Variants in LHCGR observed in about 807,000 individuals in gnomAD.
The protein encoded by LHCGR is luteinizing hormone/choriogonadotropin receptor, also known as lutropin-choriogonadotropic hormone receptor.
LHCGR carries 55 observed loss-of-function variants against 60.7 expected under a neutral mutation model. The ratio of observed to expected loss-of-function variants is 0.91; its 90% CI spans 0.73 to 1.13. LHCGR has a LOEUF of 1.13. Among genes scored for constraint, LHCGR ranks in the 50% most tolerant of loss-of-function variants. The pLI, the probability that LHCGR is intolerant of heterozygous loss-of-function variation, is 0.00. For synonymous variants in LHCGR, 337 were observed against 316.5 expected (o/e 1.06, Z -0.69); for missense variants, 862 against 836.0 (o/e 1.03, Z -0.38).
Position 48,687,867 on chromosome 2 carries a change from A to G in LHCGR, c.1930T>C (p.Cys644Arg), listed in dbSNP as rs756845432. 4.3e-6 allele frequency: 7 copies of G among 1,614,204 alleles called. No individual in the cohort carries two copies. Among genetic ancestry groups the G allele is most frequent in the Non-Finnish European group, 5.9e-6 (7 of 1,180,040 alleles). The change falls in exon 11 of 11, where the codon TGT becomes CGT. Residue 644 changes from cysteine (C) to arginine (R), a missense_variant. By Grantham distance (180) the Cys-to-Arg change is radical. Coordinates refer to ENST00000294954, the MANE Select transcript of LHCGR (RefSeq NM_000233.4). ...CTATAAAGTTCAGCCCGACGTTTAC[A>G]GCAGCCAAATTTGCTCAGCAAAAGA... ...FFLLLSKFGC[C>R]KRRAELYRRK...
At chr2:48,739,271 A>G (rs977441112) in intron 1 of LHCGR, among the ~76,000 whole-genome samples, 2 of 152,244 alleles carry the variant, frequency 1.3e-5, no homozygotes, top group Non-Finnish European at 2.9e-5. Flanking sequence ...TCAGGGATCT[A>G]GAACTAGAAA....
chr2:48,734,021 G>C (rs562910519), intron 1 of LHCGR, among the ~76,000 whole-genome samples: 1 of 152,148 alleles, frequency 6.6e-6, no homozygotes, highest in African/African-American at 2.4e-5. Context: ...TATACATTGA[G>C]AAAAATTCTC....
At chr2:48,716,087 T>G (rs748171725) in intron 6 of LHCGR, among the ~76,000 whole-genome samples, 1 of 151,810 alleles carries the variant, frequency 6.6e-6, no homozygotes, top group African/African-American at 2.4e-5. Flanking sequence ...GGATGCCACT[T>G]TCAATAGTTT....
At chr2:48,710,611 C>A (rs1188247051) in intron 7 of LHCGR, among the ~76,000 whole-genome samples, 2 of 152,164 alleles carry the variant, frequency 1.3e-5, no homozygotes, top group South Asian at 2.1e-4. Flanking sequence ...GGCAGGATGA[C>A]CTTTTGAAGC....
intron 8 of LHCGR, among the ~76,000 whole-genome samples, chr2:48,701,285 C>T (rs1202635524): frequency 6.6e-6 from 1 of 152,018 alleles, no homozygotes; most frequent in Admixed American, 6.6e-5. Context: ...CCAAAGCCTC[C>T]CCATCTCATT....
chr2:48,708,783 C>CT lies in LHCGR; in HGVS notation c.680+164dup. The CT allele has an allele frequency of 4.2e-6, 3 of 716,610 alleles. No individual in the cohort carries two copies. In the East Asian group the frequency reaches 7.4e-5, roughly 18 times the overall value. The allele number at this position is 716,610 out of a possible 1,614,324, so 44.4% of individuals were successfully genotyped here. A position where few individuals can be genotyped will look rare whatever the true frequency, so the allele number is the denominator to read the frequency against. On this transcript the variant is annotated intron_variant, in intron 8 of 10. Transcript: ENST00000294954. ...TGTCTAAGCCTCTCGGTTTGGGGTA[C>CT]TTTATTATGGCAGCTGTGATACACT...
In LHCGR at chr2:48,727,689, A is replaced by G. The variant is rs1347259200; in HGVS notation, c.308+1464T>C. Among the ~76,000 whole-genome samples the G allele has an allele frequency of 3.9e-5, 6 of 152,276 alleles. No homozygotes were observed. The South Asian group carries it at 8.3e-4, about 21-fold the overall frequency. On this transcript the variant is annotated intron_variant, in intron 3 of 10. Coordinates refer to ENST00000294954, the MANE Select transcript of LHCGR (RefSeq NM_000233.4). ...GATTCTGCTTCTCAGCTAAGTCCAG[A>G]CTATGTCTTTTGCACTTACTCATTA...
At chr2:48,691,771 G>C (rs1217534520) in intron 10 of LHCGR, among the ~76,000 whole-genome samples, 1 of 151,278 alleles carries the variant, frequency 6.6e-6, no homozygotes, top group African/African-American at 2.4e-5. Context: ...GCTTGAACTC[G>C]GGAGGTGGAG....
chr2:48,754,328 A>C (rs555446985), intron 1 of LHCGR, among the ~76,000 whole-genome samples: 1 of 152,280 alleles, frequency 6.6e-6, no homozygotes, highest in East Asian at 1.9e-4. Flanking sequence ...GGGGGCTCAA[A>C]GGAAATGGCA....
chr2:48,700,054 T>G (rs1019153863), intron 8 of LHCGR, among the ~76,000 whole-genome samples: 1 of 152,212 alleles, frequency 6.6e-6, no homozygotes, highest in Non-Finnish European at 1.5e-5. Context: ...GATGATGGTG[T>G]AGGCCCTCAG....
In LHCGR at chr2:48,688,942, G is replaced by T; in HGVS notation, c.948-93C>A. 8.4e-7 allele frequency: 1 copy of T among 1,184,004 alleles called. No individual in the cohort carries two copies. Among genetic ancestry groups the T allele is most frequent in the Admixed American group, 1.9e-5 (1 of 53,854 alleles). 73.3% of individuals were successfully genotyped at this position (1,184,004 alleles called of 1,614,324 possible). ...TTTCTTTAAAGGCAAAGAAACAAAAGGAAACAAAGCCATAATAGCCTCAGC... is the reference window on the plus strand; with the variant it reads ...TTTCTTTAAAGGCAAAGAAACAAAATGAAACAAAGCCATAATAGCCTCAGC... On this transcript the variant is annotated intron_variant, in intron 10 of 10. Transcript: ENST00000294954. The surrounding 1 kb of genome is among the most constrained non-coding windows in gnomAD (Gnocchi z 5.2).
At position 48,743,891 on chromosome 2, in the gene LHCGR, A is replaced by C. The variant is rs1226652822; in HGVS notation, c.161+11620T>G. ...ATAAAGGGTATTCAATTAGGAAAAGAGGAAGTCAAATTGTCCCTGTTTGCA... is the reference window on the plus strand; with the variant it reads ...ATAAAGGGTATTCAATTAGGAAAAGCGGAAGTCAAATTGTCCCTGTTTGCA... On this transcript the variant is annotated intron_variant, in intron 1 of 10. Coordinates refer to ENST00000294954, the MANE Select transcript of LHCGR (RefSeq NM_000233.4). Among the ~76,000 whole-genome samples the C allele has an allele frequency of 1.1e-4, 17 of 151,944 alleles. No homozygotes were observed. In the East Asian group the frequency reaches 3.3e-3, roughly 29 times the overall value.
intron 1 of LHCGR, among the ~76,000 whole-genome samples, chr2:48,744,472 G>A (rs1161010104): frequency 1.5e-4 from 15 of 103,088 alleles, no homozygotes; most frequent in African/African-American, 5.7e-4. Flanking sequence ...AACCAAAACA[G>A]CATGGTACTG....
intron 4 of LHCGR, 124 bp downstream of exon 4, chr2:48,725,552 G>A: frequency 1.3e-6 from 1 of 742,698 alleles, no homozygotes; most frequent in East Asian, 2.5e-5. Flanking sequence ...GAAGGCTGAA[G>A]AGGAACATGC....
At chr2:48,707,701 C>T (rs1667763253) in intron 8 of LHCGR, among the ~76,000 whole-genome samples, 1 of 152,258 alleles carries the variant, frequency 6.6e-6, no homozygotes, top group African/African-American at 2.4e-5. Context: ...AAACCACCTA[C>T]TCAAGCCTCA....
rs778306288 is a variant in LHCGR at position 48,688,881 on chromosome 2, G to A, written c.948-32C>T. 3.3e-5 allele frequency: 52 copies of A among 1,591,064 alleles called. No homozygotes were observed. Among genetic ancestry groups the A allele is most frequent in the Non-Finnish European group, 4.4e-5 (51 of 1,160,012 alleles). On this transcript the variant is annotated intron_variant, in intron 10 of 10. Transcript: ENST00000294954. This position sits in a 1 kb window ranked among gnomAD's most constrained non-coding sequence, Gnocchi z 5.2. ...GAAGAATTATTGGCTTGAGGTAAGG[G>A]ATTTTCTCTGAGTATTAAAAAATTC...
At chr2:48,700,686 A>G (rs1667363689) in intron 8 of LHCGR, among the ~76,000 whole-genome samples, 1 of 152,218 alleles carries the variant, frequency 6.6e-6, no homozygotes, top group African/African-American at 2.4e-5. Context: ...TATTCAGCCA[A>G]CTTACAAGAT....
At chr2:48,690,639 G>A (rs185785357) in intron 10 of LHCGR, among the ~76,000 whole-genome samples, 3 of 152,266 alleles carry the variant, frequency 2.0e-5, no homozygotes, top group Admixed American at 2.0e-4. Context: ...CTTCTGCCTA[G>A]AATTTTCTTC....
chr2:48,722,118 C>T (rs1033501361), intron 6 of LHCGR, among the ~76,000 whole-genome samples: 3 of 152,184 alleles, frequency 2.0e-5, no homozygotes, highest in Non-Finnish European at 4.4e-5. Flanking sequence ...CCACTGCACT[C>T]CAGCCTGGTG....
Sources: allele counts gnomAD v4.1 joint callset (sites outside exome capture counted in the v4.1 genomes callset), GRCh38; gene constraint gnomAD v4.1.1; non-coding constraint Gnocchi (gnomAD v3.1); transcripts MANE v1.5; gene names NCBI Gene and HGNC (gene_info 2026-07-23, HGNC 2026-07-21).